The following POLQ variants were observed in gnomAD, a reference collection of about 807,000 sequenced individuals.
The protein encoded by POLQ is epididymis secretory sperm binding protein.
Under a neutral mutation model 259.2 loss-of-function variants are expected in POLQ, and 233 were observed. The observed-to-expected ratio is 0.90, with a 90% CI of 0.81 to 1.00. The LOEUF is 1.00. POLQ is among the 50% of genes least tolerant of loss of function. POLQ has a pLI of 0.00. For missense variants in POLQ, 2,871 were observed against 3,051.6 expected (o/e 0.94, Z 1.39); for synonymous variants, 1,025 against 1,048.8 (o/e 0.98, Z 0.44).
intron 12 of POLQ, among the ~76,000 whole-genome samples, chr3:121,506,173 C>CA (rs1426808041): frequency 1.3e-5 from 2 of 151,822 alleles, no homozygotes; most frequent in Non-Finnish European, 2.9e-5. Flanking sequence ...ATACAATAAG[C>CA]AAAGTCAAAA....
At chr3:121,511,335 T>G (rs549998249) in intron 10 of POLQ, among the ~76,000 whole-genome samples, 1 of 150,326 alleles carries the variant, frequency 6.7e-6, no homozygotes, top group Non-Finnish European at 1.5e-5. Context: ...GAGCCAGAGG[T>G]TGCAGTGAGC....
At chr3:121,517,309 G>A (rs2048305572) in intron 9 of POLQ, among the ~76,000 whole-genome samples, 1 of 151,840 alleles carries the variant, frequency 6.6e-6, no homozygotes, top group Admixed American at 6.6e-5. Flanking sequence ...TAAAGTAAGA[G>A]AGAAACAGGA....
intron 12 of POLQ, among the ~76,000 whole-genome samples, chr3:121,499,124 A>G (rs1341943290): frequency 6.6e-6 from 1 of 152,112 alleles, no homozygotes; most frequent in Admixed American, 6.6e-5. Flanking sequence ...ATAAAAAGAC[A>G]AAGGCCTCAG....
At chr3:121,462,542 T>C (rs901208972) in intron 24 of POLQ, among the ~76,000 whole-genome samples, 2 of 152,188 alleles carry the variant, frequency 1.3e-5, no homozygotes, top group Non-Finnish European at 2.9e-5. Context: ...AGGAATTCCC[T>C]TGGATTTTTG....
chr3:121,459,527 A>G (rs2047774018), intron 25 of POLQ, among the ~76,000 whole-genome samples: 1 of 151,778 alleles, frequency 6.6e-6, no homozygotes, highest in Non-Finnish European at 1.5e-5. Context: ...GACTACAGGC[A>G]CCCACCACCA....
chr3:121,517,971 A>G (rs2048309889), intron 9 of POLQ, among the ~76,000 whole-genome samples: 1 of 152,220 alleles, frequency 6.6e-6, no homozygotes. Flanking sequence ...AGATACCAAT[A>G]AATTACGGTC....
rs201099908 is a variant in POLQ, at chr3:121,489,624, A to T, written c.3307T>A (p.Leu1103Met). 5 of 1,613,974 alleles carry T rather than the reference A, an allele frequency of 3.1e-6. No individual in the cohort carries two copies. Among genetic ancestry groups the T allele is most frequent in the Non-Finnish European group, 4.2e-6 (5 of 1,179,970 alleles). ...TTATTATCTTTTTCCTTACCACTCA[A>T]AGATACATTTTTAGCAAATGGCCCT... Reference protein sequence around the residue: ...NSGPFAKNVSLSGKEKDNKTS... With the variant: ...NSGPFAKNVSMSGKEKDNKTS... Residue 1103 changes from leucine (L) to methionine (M), a missense_variant, in exon 16 of 30, where the codon TTG becomes ATG. By Grantham distance (15) the Leu-to-Met change is conservative. This residue lies in a region of POLQ where 2,080 missense variants were observed against 2,126.0 expected (regional missense o/e 0.98). Transcript: ENST00000264233.
intron 12 of POLQ, among the ~76,000 whole-genome samples, chr3:121,504,889 T>C (rs1454480492): frequency 6.6e-6 from 1 of 152,080 alleles, no homozygotes; most frequent in Non-Finnish European, 1.5e-5. Flanking sequence ...TCCGGGGGAC[T>C]GTTGGGAAGG....
At chr3:121,494,963 CAAAAAAAA>C (rs35833957) in intron 14 of POLQ, 2 of 538,558 alleles carry the variant, frequency 3.7e-6, no homozygotes, top group Non-Finnish European at 6.0e-6. Flanking sequence ...TACAAATTTT[CAAAAAAAA>C]AAAAAAAGCA....
intron 22 of POLQ, among the ~76,000 whole-genome samples, chr3:121,471,575 C>G (rs2047883821): frequency 2.0e-5 from 3 of 152,108 alleles, no homozygotes; most frequent in Admixed American, 2.0e-4. Context: ...AACCCCATCT[C>G]TACTAAAAAT....
Position 121,544,881 on chromosome 3 carries a change from G to A in POLQ, c.189C>T (p.Asp63=), listed in dbSNP as rs2048518893. The change falls in exon 2 of 30, where the codon GAC becomes GAT. Residue 63 remains aspartate, a synonymous_variant. Transcript: ENST00000264233. ...CCAATAGTAGCTTGTCTCTTTCGTA[G>A]TCAGGAACTGTAGGCTTGCATTCTC... The part of the protein sequence containing the change: ...AAGECKPTVP[D]YERDKLLLAN... 1.9e-6 allele frequency: 3 copies of A among 1,606,710 alleles called. No homozygotes were observed. Among genetic ancestry groups the A allele is most frequent in the African/African-American group, 2.7e-5 (2 of 74,842 alleles).
rs370501550 is a variant in POLQ, at chr3:121,481,754, G to C, written c.6029C>G (p.Thr2010Ser). 6.8e-6 allele frequency: 11 copies of C among 1,613,748 alleles called. No homozygotes were observed. The Middle Eastern group carries it at 9.9e-4, about 145-fold the overall frequency. ...SQEPTLHSIV[T>S]SFLPHELPLL... is the part of the protein sequence containing the mutation. ...TGGAAGCTCATGAGGAAGAAAACTG[G>C]TAACTATGCTATGAAGAGTCGGCTC... Residue 2010 changes from threonine (T) to serine (S), a missense_variant, in exon 19 of 30, where the codon ACC (threonine) becomes AGC (serine). Transcript: ENST00000264233.
rs746582878 is a variant in POLQ at position 121,489,272 on chromosome 3, C to T, written c.3659G>A (p.Cys1220Tyr). The T allele has an allele frequency of 6.2e-7, 1 of 1,613,714 alleles. No homozygotes were observed. Among genetic ancestry groups the T allele is most frequent in the Non-Finnish European group, 8.5e-7 (1 of 1,179,832 alleles). Residue 1220 changes from cysteine (C) to tyrosine (Y), a missense_variant, in exon 16 of 30, where the codon TGT (cysteine) becomes TAT (tyrosine). Around this residue, in one of 3 missense-constraint regions of POLQ, gnomAD observed 2,080 missense variants for 2,126.0 expected, o/e 0.98. Coordinates refer to ENST00000264233, the MANE Select transcript of POLQ (RefSeq NM_199420.4). ...ATTTATGTAACTACTGACTGCTTCA[C>T]AGGGCATTTGTCTCTCTATTATATT... ...QKNIIERQMP[C>Y]EAVSSYINRD...
Position 121,449,300 on chromosome 3 carries a change from T to C in POLQ, c.7264+15A>G, listed in dbSNP as rs1437969213. 1 of 1,206,974 alleles carries C rather than the reference T, an allele frequency of 8.3e-7. No homozygotes were observed. The highest frequency in any genetic ancestry group is 1.2e-6 in the Non-Finnish European group (1 of 810,470). The allele number at this position is 1,206,974 out of a possible 1,614,324, so 74.8% of individuals were successfully genotyped here. A position where few individuals can be genotyped will look rare whatever the true frequency, so the allele number is the denominator to read the frequency against. ...TAAGATGGTTGAAAAGAATACTATC[T>C]AGAAGATAAATTACCTGTGTATCTG... On this transcript the variant is annotated intron_variant, in intron 26 of 29. Transcript: ENST00000264233.
intron 27 of POLQ, among the ~76,000 whole-genome samples, chr3:121,437,795 T>C (rs1238668718): frequency 1.3e-5 from 2 of 152,192 alleles, no homozygotes; most frequent in East Asian, 3.9e-4. Flanking sequence ...AAGAGAAAAA[T>C]AGATAAATTA....
chr3:121,544,541 G>A (rs771557359), intron 2 of POLQ, among the ~76,000 whole-genome samples, 186 bp downstream of exon 2: 14 of 151,848 alleles, frequency 9.2e-5, no homozygotes, highest in Non-Finnish European at 1.3e-4. Flanking sequence ...CTCCACCCCA[G>A]TCAAACAATA....
intron 15 of POLQ, among the ~76,000 whole-genome samples, chr3:121,493,126 AC>A (rs2048083092): frequency 6.6e-6 from 1 of 152,072 alleles, no homozygotes; most frequent in African/African-American, 2.4e-5. Context: ...ACATGGTGAA[AC>A]CCTGTCTCTA....
In POLQ at chr3:121,510,249, A is replaced by G; in HGVS notation, c.1612-6T>C. Reference sequence around the variant, plus strand: ...GCCACTCCACCAACTATTATCTGAAAGAAGATATTTGGAAATTTCTGTAGC... The same window carrying G: ...GCCACTCCACCAACTATTATCTGAAGGAAGATATTTGGAAATTTCTGTAGC... On this transcript the variant is annotated splice_region_variant and splice_polypyrimidine_tract_variant and intron_variant, in intron 10 of 29. Coordinates refer to ENST00000264233, the MANE Select transcript of POLQ (RefSeq NM_199420.4). 1.2e-6 allele frequency: 2 copies of G among 1,602,314 alleles called. No homozygotes were observed. The highest frequency in any genetic ancestry group is 1.7e-6 in the Non-Finnish European group (2 of 1,170,266).
rs779959046 is a variant in POLQ at position 121,520,085 on chromosome 3, TA to T, written c.1256-3del. 19 of 1,579,584 alleles carry T rather than the reference TA, an allele frequency of 1.2e-5. No individual in the cohort carries two copies. The highest frequency in any genetic ancestry group is 2.2e-5 in the East Asian group (1 of 44,780). On this transcript the variant is annotated splice_region_variant and splice_polypyrimidine_tract_variant and intron_variant, in intron 8 of 29. Transcript: ENST00000264233. ...TATCCCTCTCCTCAAAAGTAAGACC[TA>T]AAAAAAGGAGGTTTTTATATATTTA...
Sources: gnomAD v4.1 joint callset for allele counts (sites outside exome capture counted in the v4.1 genomes callset) on GRCh38, gnomAD v4.1.1 for gene constraint, gnomAD v4.1.1 regional missense constraint, MANE v1.5 for transcripts, NCBI Gene and HGNC (gene_info 2026-07-23, HGNC 2026-07-21) for gene names.